ARHGAP21: variants seen among roughly 807,000 people sequenced by gnomAD.
ARHGAP21 encodes rho GTPase-activating protein 21.
Under a neutral mutation model 164.6 loss-of-function variants are expected in ARHGAP21, and 38 were observed. The ratio of observed to expected loss-of-function variants is 0.23; its 90% CI spans 0.18 to 0.30. The LOEUF is 0.30. Among genes scored for constraint, ARHGAP21 ranks in the 10% least tolerant of loss-of-function variants. ARHGAP21 has a pLI of 1.00. For synonymous variants in ARHGAP21, 766 were observed against 857.9 expected, an observed-to-expected ratio of 0.89 and a Z score of 1.87; for missense variants, 1,822 against 2,370.7, an observed-to-expected ratio of 0.77 and a Z score of 4.81.
intron 9 of ARHGAP21, among the ~76,000 whole-genome samples, chr10:24,612,854 C>CAAAA (rs1369788896): frequency 7.9e-6 from 1 of 127,018 alleles, no homozygotes; most frequent in African/African-American, 3.4e-5. Context: ...GACTCTGTTT[C>CAAAA]AAAAATAAAT....
At chr10:24,624,680 GGGA>G (rs1834921926) in intron 7 of ARHGAP21, among the ~76,000 whole-genome samples, 1 of 151,666 alleles carries the variant, frequency 6.6e-6, no homozygotes, top group African/African-American at 2.4e-5. Flanking sequence ...TTCAAATTTG[GGGA>G]GGAATATTAT....
At chr10:24,691,580 T>C (rs1480526293) in intron 2 of ARHGAP21, among the ~76,000 whole-genome samples, 1 of 152,242 alleles carries the variant, frequency 6.6e-6, no homozygotes, top group Non-Finnish European at 1.5e-5. Flanking sequence ...TGGTGGAACT[T>C]ACTATTTCAA....
intron 9 of ARHGAP21, among the ~76,000 whole-genome samples, chr10:24,617,895 GCC>G (rs1477104993): frequency 6.6e-6 from 1 of 152,076 alleles, no homozygotes; most frequent in Non-Finnish European, 1.5e-5. Flanking sequence ...TACAAGTATG[GCC>G]TTGGTTGGTG....
intron 3 of ARHGAP21, among the ~76,000 whole-genome samples, chr10:24,668,587 C>T (rs923493954): frequency 3.0e-4 from 46 of 152,102 alleles, no homozygotes; most frequent in African/African-American, 1.9e-4. Flanking sequence ...GTATAAACAC[C>T]GCACATTTAC....
intron 4 of ARHGAP21, chr10:24,648,716 C>G (rs1837850665): frequency 1.3e-6 from 1 of 770,744 alleles, no homozygotes. Context: ...GAGGCGCAGG[C>G]TGCAGTGAGC....
At chr10:24,644,551 T>A (rs1429581463) in intron 4 of ARHGAP21, among the ~76,000 whole-genome samples, 1 of 152,198 alleles carries the variant, frequency 6.6e-6, no homozygotes, top group East Asian at 1.9e-4. Flanking sequence ...CTGTTCTCAG[T>A]AACTTTACCA....
intron 4 of ARHGAP21, among the ~76,000 whole-genome samples, chr10:24,653,524 G>T (rs1356409457): frequency 1.3e-5 from 2 of 151,694 alleles, no homozygotes; most frequent in Admixed American, 1.3e-4. Flanking sequence ...AGTGAGCTGA[G>T]ATCGCGCCAC....
At chr10:24,609,401 C>T (rs963116200) in intron 9 of ARHGAP21, among the ~76,000 whole-genome samples, 2 of 152,078 alleles carry the variant, frequency 1.3e-5, no homozygotes, top group Non-Finnish European at 2.9e-5. Context: ...GATATGTCTG[C>T]AAAAACAGGT....
intron 4 of ARHGAP21, among the ~76,000 whole-genome samples, chr10:24,645,605 G>A (rs1244015530): frequency 1.3e-5 from 2 of 149,350 alleles, no homozygotes; most frequent in East Asian, 1.9e-4. Flanking sequence ...AAAAAAAGTA[G>A]TTTCTAGTTT....
At chr10:24,662,522 C>G (rs912413901) in intron 4 of ARHGAP21, among the ~76,000 whole-genome samples, 3 of 152,178 alleles carry the variant, frequency 2.0e-5, no homozygotes, top group African/African-American at 7.2e-5. Flanking sequence ...ATTATGATGC[C>G]TGAAATAGAT....
At chr10:24,715,641 G>C (rs1845299713) in intron 2 of ARHGAP21, among the ~76,000 whole-genome samples, 1 of 152,166 alleles carries the variant, frequency 6.6e-6, no homozygotes, top group African/African-American at 2.4e-5. Context: ...TAACGGAAAT[G>C]AAATAGAATT....
At chr10:24,606,158 CAG>C (rs746571219) in intron 11 of ARHGAP21, among the ~76,000 whole-genome samples, 3 of 151,836 alleles carry the variant, frequency 2.0e-5, no homozygotes, top group Non-Finnish European at 2.9e-5. Flanking sequence ...GGAGTAGTGA[CAG>C]AATTTTTTGA....
intron 2 of ARHGAP21, among the ~76,000 whole-genome samples, chr10:24,692,992 G>A (rs1842872699): frequency 6.6e-6 from 1 of 151,946 alleles, no homozygotes; most frequent in African/African-American, 2.4e-5. Context: ...AACACAACAG[G>A]TGCATACAGC....
At chr10:24,663,080 T>C (rs1318720673) in intron 4 of ARHGAP21, among the ~76,000 whole-genome samples, 1 of 152,152 alleles carries the variant, frequency 6.6e-6, no homozygotes, top group Non-Finnish European at 1.5e-5. Context: ...GTGTGCAGAT[T>C]AGCATATATG....
chr10:24,601,862 G>GTTT, intron 13 of ARHGAP21, 116 bp downstream of exon 13: 1 of 1,045,478 alleles, frequency 9.6e-7, no homozygotes, highest in Non-Finnish European at 1.3e-6. Context: ...TTTATAAATG[G>GTTT]TTTTTTTTTT....
At chr10:24,694,602 T>C (rs1842991835) in intron 2 of ARHGAP21, among the ~76,000 whole-genome samples, 1 of 152,206 alleles carries the variant, frequency 6.6e-6, no homozygotes, top group South Asian at 2.1e-4. Context: ...AAGTATATCC[T>C]ATGTGGCTCC....
intron 2 of ARHGAP21, among the ~76,000 whole-genome samples, chr10:24,677,978 A>ACAGT (rs1408056115): frequency 2.0e-5 from 3 of 152,040 alleles, no homozygotes; most frequent in African/African-American, 7.2e-5. Flanking sequence ...GAAATAATAC[A>ACAGT]CAGTCAGGCA....
In ARHGAP21 at chr10:24,671,872, G is replaced by A. The variant is rs573717884; in HGVS notation, c.64-1475C>T. On this transcript the variant is annotated intron_variant, in intron 2 of 25. Coordinates refer to ENST00000396432, the MANE Select transcript of ARHGAP21 (RefSeq NM_020824.4). ...CAGGTAGATGGGACTACAGGTGAAT[G>A]TCATCAAGCTAATTTTTTTTTTTTT... 3.3e-4 allele frequency among the ~76,000 whole-genome samples: 47 copies of A among 143,430 alleles called. 1 individual carries two copies. The South Asian group carries it at 0.01, about 31-fold the overall frequency. The allele number at this position is 143,430 out of a possible 152,430, so 94.1% of individuals were successfully genotyped here.
In ARHGAP21 at chr10:24,642,291, G is replaced by T. The variant is rs569193220; in HGVS notation, c.269-7188C>A. Among the ~76,000 whole-genome samples, 348 of 151,922 alleles carry T rather than the reference G, an allele frequency of 2.3e-3. No individual in the cohort carries two copies. In the Middle Eastern group the frequency reaches 0.027, roughly 12 times the overall value. ...AGCACTTTGGGAGGCCGAGGCGGGC[G>T]GATCACGAGGTCAGGAGATCGAGAC... On this transcript the variant is annotated intron_variant, in intron 4 of 25. Coordinates refer to ENST00000396432, the MANE Select transcript of ARHGAP21 (RefSeq NM_020824.4).
Sources: allele counts gnomAD v4.1 joint callset (sites outside exome capture counted in the v4.1 genomes callset), GRCh38; gene constraint gnomAD v4.1.1; transcripts MANE v1.5; gene names NCBI Gene and HGNC (gene_info 2026-07-23, HGNC 2026-07-21).